The following GLUL variants were observed in gnomAD, a reference collection of about 807,000 sequenced individuals.
GLUL encodes glutamine synthetase.
In GLUL, 8 loss-of-function variants were observed where a neutral mutation model predicts 36.9. The observed-to-expected ratio is 0.22, with a 90% CI of 0.13 to 0.39. The LOEUF is 0.39. Among genes scored for constraint, GLUL ranks in the 10% least tolerant of loss-of-function variants. The probability of loss-of-function intolerance (pLI) is 1.00; values close to 1 mark genes in which losing one functional copy is unlikely to be tolerated. For missense variants in GLUL, 315 were observed against 501.8 expected, an observed-to-expected ratio of 0.63 and a Z score of 3.56; for synonymous variants, 182 against 172.8, an observed-to-expected ratio of 1.05 and a Z score of -0.42.
intron 1 of GLUL, chr1:182,391,271 C>A: frequency 2.5e-6 from 1 of 398,776 alleles, no homozygotes; most frequent in Non-Finnish European, 4.4e-6. Context: ...GCGCCCGCGC[C>A]AACCAAGCGC....
At chr1:182,386,001 C>G in intron 4 of GLUL, 114 bp from the exon 5 acceptor site, 1 of 1,150,268 alleles carries the variant, frequency 8.7e-7, no homozygotes. Context: ...TTGCCTTCAT[C>G]TGCAGGTGCG....
In GLUL at chr1:182,385,602, T is replaced by C. The variant is rs778584189; in HGVS notation, c.604-46A>G. 2.5e-6 allele frequency: 4 copies of C among 1,575,612 alleles called. No individual in the cohort carries two copies. In the East Asian group the frequency reaches 9.0e-5, roughly 35 times the overall value. On this transcript the variant is annotated intron_variant, in intron 5 of 6. Coordinates refer to ENST00000331872, the MANE Select transcript of GLUL (RefSeq NM_001033044.4). ...CATTAAAACAAAGCTAACTGCTCAC[T>C]CCAACTCAGAATCTCCTAAACCTGT...
rs1649875901 is a variant in GLUL at position 182,380,146 on chromosome 1, C to A, written c.*4259G>T. ...TATAGGCATGAGCCACTGTGCCTGG[C>A]AGTTATAACTCTTAAAGCAACACAA... is the stretch of plus-strand genomic sequence containing the variant. On this transcript the variant is annotated 3_prime_UTR_variant, in exon 7 of 7. Transcript: ENST00000331872. 6.6e-6 allele frequency among the ~76,000 whole-genome samples: 1 copy of A among 152,210 alleles called. No individual in the cohort carries two copies. Among genetic ancestry groups the A allele is most frequent in the African/African-American group, 2.4e-5 (1 of 41,448 alleles).
intron 1 of GLUL, chr1:182,389,955 C>T (rs1650338608): frequency 6.6e-6 from 1 of 152,300 alleles, no homozygotes; most frequent in Non-Finnish European, 1.5e-5. Context: ...CATCCCAGAA[C>T]CCTTTAGCTC....
At position 182,387,195 on chromosome 1, in the gene GLUL, G is replaced by A; in HGVS notation, c.264C>T (p.Pro88=). Residue 88 remains proline (P), a synonymous_variant, in exon 3 of 7, where the codon CCC becomes CCT. Transcript: ENST00000331872. ...CCAGCTTGTTAGGGTCCTTACGGAA[G>A]GGGTCCCGAAACATGGCAGCAGGCA... The part of the protein sequence containing the change: ...YLVPAAMFRD[P]FRKDPNKLVL... The A allele has an allele frequency of 6.2e-7, 1 of 1,613,530 alleles. No individual in the cohort carries two copies. Among genetic ancestry groups the A allele is most frequent in the South Asian group, 1.1e-5 (1 of 91,074 alleles).
At chr1:182,384,792 A>C (rs1284460419) in intron 6 of GLUL, 69 bp from the exon 7 acceptor site, 5 of 1,082,334 alleles carry the variant, frequency 4.6e-6, no homozygotes, top group African/African-American at 1.5e-5. Context: ...GAAGTGCACC[A>C]AAATATGATA....
At chr1:182,391,253 G>A (rs1571413213) in intron 1 of GLUL, 3 of 398,882 alleles carry the variant, frequency 7.5e-6, no homozygotes, top group Non-Finnish European at 1.3e-5. Context: ...CACGAGGAAG[G>A]CAGCCAGGCG....
intron 4 of GLUL, 106 bp downstream of exon 4, chr1:182,386,150 A>G: frequency 8.7e-7 from 1 of 1,151,448 alleles, no homozygotes; most frequent in Admixed American, 1.7e-5. Flanking sequence ...CCTTTACTGT[A>G]TTATTTTGCT....
rs377520978 is a variant in GLUL, at chr1:182,385,837, C to A, written c.526G>T (p.Val176Leu). Residue 176 changes from valine (V) to leucine (L), a missense_variant, in exon 5 of 7, where the codon GTG becomes TTG. Coordinates refer to ENST00000331872, the MANE Select transcript of GLUL (RefSeq NM_001033044.4). ...AAGCAGGCCCGGTAATGGGCCTCCA[C>A]GATGTCCCTGCCATAGGCTCTGTCT... is the stretch of plus-strand genomic sequence containing the variant. ...GADRAYGRDI[V>L]EAHYRACLYA... 3.7e-6 allele frequency: 6 copies of A among 1,613,330 alleles called. No homozygotes were observed. The highest frequency in any genetic ancestry group is 5.1e-6 in the Non-Finnish European group (6 of 1,179,352).
chr1:182,388,555 C>A lies in GLUL; in HGVS notation c.166+17G>T. 1 of 1,611,798 alleles carries A rather than the reference C, an allele frequency of 6.2e-7. No homozygotes were observed. Among genetic ancestry groups the A allele is most frequent in the Non-Finnish European group, 8.5e-7 (1 of 1,177,888 alleles). On this transcript the variant is annotated intron_variant, in intron 2 of 6. Transcript: ENST00000331872. ...GATCCCACCCAGCATGTGCTCCACTCCACATTGCTGTCTCACCTTCCACAC... is the reference window on the plus strand; with the variant it reads ...GATCCCACCCAGCATGTGCTCCACTACACATTGCTGTCTCACCTTCCACAC...
Position 182,378,337 on chromosome 1 carries a change from C to T in GLUL, c.*6068G>A, listed in dbSNP as rs560673418. ...GTAACTCATCAAATGACAATAGGAA[C>T]TGTGTGGACACTCCCTCTGTAACAT... On this transcript the variant is annotated 3_prime_UTR_variant, in exon 7 of 7. Transcript: ENST00000331872. Among the ~76,000 whole-genome samples, 1 of 152,324 alleles carries T rather than the reference C, an allele frequency of 6.6e-6. No individual in the cohort carries two copies. The highest frequency in any genetic ancestry group is 1.5e-5 in the Non-Finnish European group (1 of 68,022).
At chr1:182,386,159 C>T in intron 4 of GLUL, 97 bp downstream of exon 4, 1 of 1,248,146 alleles carries the variant, frequency 8.0e-7, no homozygotes, top group Non-Finnish European at 1.2e-6. Context: ...TATTATTTTG[C>T]TTCTTGATTC....
Position 182,384,838 on chromosome 1 carries a change from C to T in GLUL, c.804-115G>A, listed in dbSNP as rs1650102516. On this transcript the variant is annotated intron_variant, in intron 6 of 6. Transcript: ENST00000331872. ...AAATACTTCATGAGGGCAGTGGCTG[C>T]ATCTTCTTACCTGTGTGTCTCAGTG... 3 of 779,238 alleles carry T rather than the reference C, an allele frequency of 3.8e-6. No individual in the cohort carries two copies. The Admixed American group carries it at 5.7e-5, about 15-fold the overall frequency. 48.3% of individuals were successfully genotyped at this position (779,238 alleles called of 1,614,324 possible). A position where few individuals can be genotyped will look rare whatever the true frequency, so the allele number is the denominator to read the frequency against.
At chr1:182,390,296 T>C (rs1650354105) in intron 1 of GLUL, 5 of 390,894 alleles carry the variant, frequency 1.3e-5, no homozygotes, top group Non-Finnish European at 1.8e-5. Context: ...ACCAATATCA[T>C]GCACACTTTG....
Position 182,381,126 on chromosome 1 carries a change from G to C in GLUL, c.*3279C>G, listed in dbSNP as rs1217504053. ...TACTAAAAATACAAAAATTAGCTGA[G>C]CATGGTGGTGCACACCTGTAGTCTC... On this transcript the variant is annotated 3_prime_UTR_variant, in exon 7 of 7. Coordinates refer to ENST00000331872, the MANE Select transcript of GLUL (RefSeq NM_001033044.4). Among the ~76,000 whole-genome samples, 1 of 152,206 alleles carries C rather than the reference G, an allele frequency of 6.6e-6. No homozygotes were observed. The highest frequency in any genetic ancestry group is 2.4e-5 in the African/African-American group (1 of 41,450).
At chr1:182,388,949 A>G in intron 1 of GLUL, 199 bp from the exon 2 acceptor site, 4 of 569,344 alleles carry the variant, frequency 7.0e-6, no homozygotes, top group Non-Finnish European at 1.3e-5. Context: ...AATCTCCTTT[A>G]TAATAGGCTG....
At position 182,380,187 on chromosome 1, in the gene GLUL, G is replaced by A. The variant is rs1218027336; in HGVS notation, c.*4218C>T. Among the ~76,000 whole-genome samples, 1 of 152,166 alleles carries A rather than the reference G, an allele frequency of 6.6e-6. No homozygotes were observed. The highest frequency in any genetic ancestry group is 2.4e-5 in the African/African-American group (1 of 41,440). On this transcript the variant is annotated 3_prime_UTR_variant, in exon 7 of 7. Transcript: ENST00000331872. ...AGCAACACAAGGCTCTTGGTAGCCT[G>A]ATTACAATGAGAATTAATTAAGTAC...
intron 2 of GLUL, among the ~76,000 whole-genome samples, chr1:182,387,749 T>C (rs1650245217): frequency 1.3e-5 from 2 of 152,226 alleles, no homozygotes; most frequent in African/African-American, 2.4e-5. Context: ...TACTCTAGGA[T>C]GCTCCCTTAT....
chr1:182,386,406 G>GA lies in GLUL; in HGVS notation c.329-5dup, dbSNP rs754166159. The GA allele has an allele frequency of 1.3e-5, 21 of 1,603,672 alleles. No homozygotes were observed. Among genetic ancestry groups the GA allele is most frequent in the Non-Finnish European group, 1.6e-5 (19 of 1,170,628 alleles). On this transcript the variant is annotated splice_polypyrimidine_tract_variant and splice_region_variant and intron_variant, in intron 3 of 6. Coordinates refer to ENST00000331872, the MANE Select transcript of GLUL (RefSeq NM_001033044.4). The stretch of plus-strand genomic sequence containing the variant: ...CAGGTGTGCCTCAAATTGGTCTCTA[G>GA]AAAAAAGAGTCAATAATACGCCATC...
Sources: gnomAD v4.1 joint callset for allele counts (sites outside exome capture counted in the v4.1 genomes callset) on GRCh38, gnomAD v4.1.1 for gene constraint, MANE v1.5 for transcripts, NCBI Gene and HGNC (gene_info 2026-07-23, HGNC 2026-07-21) for gene names.